The following OXGR1 variants were observed in gnomAD, a reference collection of about 807,000 sequenced individuals.
The protein encoded by OXGR1 is oxoglutarate receptor 1, also known as 2-oxoglutarate receptor 1.
OXGR1 carries 10 observed loss-of-function variants against 10.0 expected under a neutral mutation model. That is an observed-to-expected ratio of 1.00 (90% CI 0.62 to 1.70). The LOEUF (loss-of-function observed/expected upper bound fraction) is 1.70, where lower values mean the gene tolerates loss of function less well. Ranked by LOEUF, OXGR1 falls within the 40% of genes most tolerant of loss-of-function variation. The pLI, the probability that OXGR1 is intolerant of heterozygous loss-of-function variation, is 0.00. For synonymous variants in OXGR1, 191 were observed against 155.9 expected, an observed-to-expected ratio of 1.22 and a Z score of -1.68; for missense variants, 398 against 407.6, an observed-to-expected ratio of 0.98 and a Z score of 0.20.
At chr13:96,990,387 C>T (rs1328688930) in intron 2 of OXGR1, among the ~76,000 whole-genome samples, 2 of 152,140 alleles carry the variant, frequency 1.3e-5, no homozygotes, top group Non-Finnish European at 2.9e-5. Flanking sequence ...AATAATTCTC[C>T]AGAGTTATTT....
At position 96,987,791 on chromosome 13, in the gene OXGR1, G is replaced by A. The variant is rs1434863797; in HGVS notation, c.-32C>T. The A allele has an allele frequency of 6.5e-7, 1 of 1,530,524 alleles. No homozygotes were observed. Among genetic ancestry groups the A allele is most frequent in the Non-Finnish European group, 8.8e-7 (1 of 1,140,790 alleles). The allele number at this position is 1,530,524 out of a possible 1,614,324, so 94.8% of individuals were successfully genotyped here. A position where few individuals can be genotyped will look rare whatever the true frequency, so the allele number is the denominator to read the frequency against. Reference sequence around the variant, plus strand: ...CTCCTTTCATCTTGCAAGAAAACAAGAGAGTTCAGTTTGGCAATATGAATC... The same window carrying A: ...CTCCTTTCATCTTGCAAGAAAACAAAAGAGTTCAGTTTGGCAATATGAATC... On this transcript the variant is annotated 5_prime_UTR_variant, in exon 4 of 4. Coordinates refer to ENST00000541038, the MANE Select transcript of OXGR1 (RefSeq NM_001346194.2).
At chr13:96,989,692 T>C (rs1881955075) in intron 3 of OXGR1, 66 bp downstream of exon 3, 1 of 152,256 alleles carries the variant, frequency 6.6e-6, no homozygotes, top group South Asian at 2.1e-4. Context: ...GGGCTGCATC[T>C]CACAATGAGT....
chr13:96,992,718 G>C (rs1245342836), intron 1 of OXGR1, 146 bp from the exon 2 acceptor site: 1 of 152,238 alleles, frequency 6.6e-6, no homozygotes, highest in Admixed American at 6.5e-5. Context: ...GTGCCTGTTG[G>C]TTTTGCAGAT....
chr13:96,990,724 G>A (rs998690087), intron 2 of OXGR1, among the ~76,000 whole-genome samples: 4 of 151,920 alleles, frequency 2.6e-5, no homozygotes, highest in East Asian at 1.9e-4. Flanking sequence ...CAGGCGGATC[G>A]CCCAAGGTCA....
At chr13:96,993,363 C>T (rs1342319931) in intron 1 of OXGR1, among the ~76,000 whole-genome samples, 1 of 151,990 alleles carries the variant, frequency 6.6e-6, no homozygotes, top group Non-Finnish European at 1.5e-5. Context: ...GGATTACAGG[C>T]CCGTTCCACC....
rs1881746542 is a variant in OXGR1, at chr13:96,986,542, T to C, written c.*204A>G. On this transcript the variant is annotated 3_prime_UTR_variant, in exon 4 of 4. Coordinates refer to ENST00000541038, the MANE Select transcript of OXGR1 (RefSeq NM_001346194.2). ...TGTCTGAATACTTTGCTGATATACA[T>C]GCATCCCATTCTTATATCTCCCCAG... 2 of 574,354 alleles carry C rather than the reference T, an allele frequency of 3.5e-6. No individual in the cohort carries two copies. 35.6% of individuals were successfully genotyped at this position (574,354 alleles called of 1,614,324 possible). A position where few individuals can be genotyped will look rare whatever the true frequency, so the allele number is the denominator to read the frequency against.
At position 96,988,224 on chromosome 13, in the gene OXGR1, G is replaced by A. The variant is rs142498597; in HGVS notation, c.-74-391C>T. 3.5e-3 allele frequency among the ~76,000 whole-genome samples: 535 copies of A among 152,224 alleles called. 1 individual carries two copies. The highest frequency in any genetic ancestry group is 0.012 in the African/African-American group (502 of 41,524). On this transcript the variant is annotated intron_variant, in intron 3 of 3. Coordinates refer to ENST00000541038, the MANE Select transcript of OXGR1 (RefSeq NM_001346194.2). Reference sequence around the variant, plus strand: ...TTACTTCTACATGTCACAAAATACTGAAAAGTGTTTCTTATTACCTCTATT... The same window carrying A: ...TTACTTCTACATGTCACAAAATACTAAAAAGTGTTTCTTATTACCTCTATT...
chr13:96,988,637 A>G (rs544500239), intron 3 of OXGR1, among the ~76,000 whole-genome samples: 26 of 152,256 alleles, frequency 1.7e-4, no homozygotes, highest in African/African-American at 6.3e-4. Flanking sequence ...TAATGCGGCC[A>G]TTAGGAGGCT....
Position 96,987,627 on chromosome 13 carries a change from G to C in OXGR1, c.133C>G (p.Leu45Val), listed in dbSNP as rs181695170. ...YLPVIYGIIFLVGFPGNAVVI... is the reference protein window; with the variant it reads ...YLPVIYGIIFVVGFPGNAVVI... ...ACTGCATTGCCTGGAAATCCCACGA[G>C]GAAGATAATGCCATAAATAACAGGG... Residue 45 changes from leucine to valine, a missense_variant, in exon 4 of 4, where the codon CTC (leucine) becomes GTC (valine). Coordinates refer to ENST00000541038, the MANE Select transcript of OXGR1 (RefSeq NM_001346194.2). 3.3e-4 allele frequency: 527 copies of C among 1,612,400 alleles called. No individual in the cohort carries two copies. In the African/African-American group the frequency reaches 6.3e-3, roughly 19 times the overall value.
intron 3 of OXGR1, 56 bp from the exon 4 acceptor site, chr13:96,987,889 T>C (rs1324688769): frequency 2.4e-6 from 3 of 1,250,510 alleles, no homozygotes; most frequent in Non-Finnish European, 2.1e-6. Context: ...AAGGATCTAC[T>C]TTTAAATGAA....
At chr13:96,991,583 A>C (rs1882060784) in intron 2 of OXGR1, among the ~76,000 whole-genome samples, 1 of 152,244 alleles carries the variant, frequency 6.6e-6, no homozygotes, top group Non-Finnish European at 1.5e-5. Context: ...TAGGTTCAGC[A>C]TGAATAAAAG....
intron 3 of OXGR1, among the ~76,000 whole-genome samples, chr13:96,989,380 A>T (rs1881940595): frequency 6.6e-6 from 1 of 152,196 alleles, no homozygotes; most frequent in Non-Finnish European, 1.5e-5. Flanking sequence ...CACTTAGTCC[A>T]GGAGGTCTGG....
chr13:96,991,016 G>GA (rs1052347828), intron 2 of OXGR1, among the ~76,000 whole-genome samples: 3 of 148,230 alleles, frequency 2.0e-5, no homozygotes, highest in African/African-American at 7.5e-5. Context: ...TACAATTCCT[G>GA]TCATTGCCAA....
chr13:96,986,092 C>T lies in OXGR1; in HGVS notation c.*654G>A, dbSNP rs970895202. The T allele has an allele frequency of 1.3e-5, 2 of 152,130 alleles. No homozygotes were observed. The highest frequency in any genetic ancestry group is 6.5e-5 in the Admixed American group (1 of 15,282). The allele number at this position is 152,130 out of a possible 1,614,324, so 9.4% of individuals were successfully genotyped here. A position where few individuals can be genotyped will look rare whatever the true frequency, so the allele number is the denominator to read the frequency against. On this transcript the variant is annotated 3_prime_UTR_variant, in exon 4 of 4. Coordinates refer to ENST00000541038, the MANE Select transcript of OXGR1 (RefSeq NM_001346194.2). ...ACATTCAATAAAAACTTTTTAACAACAATAAAGACATAATACTCCAAATAT... is the reference window on the plus strand; with the variant it reads ...ACATTCAATAAAAACTTTTTAACAATAATAAAGACATAATACTCCAAATAT...
intron 1 of OXGR1, among the ~76,000 whole-genome samples, chr13:96,993,258 G>A (rs1258155750): frequency 6.6e-6 from 1 of 152,046 alleles, no homozygotes. Flanking sequence ...TTGCTCTGTC[G>A]CCCAGACTGG....
At chr13:96,990,255 C>T (rs958045020) in intron 2 of OXGR1, among the ~76,000 whole-genome samples, 1 of 152,174 alleles carries the variant, frequency 6.6e-6, no homozygotes, top group Non-Finnish European at 1.5e-5. Context: ...AAAATGGTCA[C>T]AGCCAAGGAG....
At chr13:96,993,787 G>A (rs1301654970) in intron 1 of OXGR1, among the ~76,000 whole-genome samples, 2 of 151,310 alleles carry the variant, frequency 1.3e-5, no homozygotes, top group African/African-American at 4.9e-5. Flanking sequence ...AGACATTTCA[G>A]GGGAAACATT....
At chr13:96,988,328 T>A (rs1459763386) in intron 3 of OXGR1, among the ~76,000 whole-genome samples, 3 of 152,174 alleles carry the variant, frequency 2.0e-5, no homozygotes, top group Non-Finnish European at 2.9e-5. Flanking sequence ...GGATCCACAC[T>A]CGCATTTTTC....
At chr13:96,990,946 C>A (rs1288872932) in intron 2 of OXGR1, among the ~76,000 whole-genome samples, 501 of 96,890 alleles carry the variant, frequency 5.2e-3, no homozygotes, top group African/African-American at 5.9e-3. Flanking sequence ...AAGACTCTTT[C>A]AAAAAAAAAA....
Sources: allele counts gnomAD v4.1 joint callset (sites outside exome capture counted in the v4.1 genomes callset), GRCh38; gene constraint gnomAD v4.1.1; transcripts MANE v1.5; gene names NCBI Gene and HGNC (gene_info 2026-07-23, HGNC 2026-07-21).